DDX10: variants seen among roughly 807,000 people sequenced by gnomAD.
DDX10 encodes DEAD-box helicase 10, also known as probable ATP-dependent RNA helicase DDX10.
A neutral mutation model predicts 104.3 loss-of-function variants in DDX10; 74 were observed. That is an observed-to-expected ratio of 0.71 (90% CI 0.59 to 0.86). DDX10 has a LOEUF of 0.86. Among genes scored for constraint, DDX10 ranks in the 40% least tolerant of loss-of-function variants. The pLI, the probability that DDX10 is intolerant of heterozygous loss-of-function variation, is 0.00. For missense variants in DDX10, 952 were observed against 1,040.0 expected (o/e 0.92, Z 1.16); for synonymous variants, 351 against 353.4 (o/e 0.99, Z 0.08).
At chr11:108,714,574 A>G (rs192648170) in intron 10 of DDX10, among the ~76,000 whole-genome samples, 218 of 147,616 alleles carry the variant, frequency 1.5e-3, no homozygotes, top group African/African-American at 5.2e-3. Context: ...TCTGAAGACT[A>G]TTAGTGGAGA....
intron 16 of DDX10, among the ~76,000 whole-genome samples, chr11:108,899,175 A>G (rs980093787): frequency 1.3e-5 from 2 of 151,640 alleles, no homozygotes; most frequent in Non-Finnish European, 2.9e-5. Context: ...GCACTGGTCT[A>G]TATCAATCCC....
intron 16 of DDX10, among the ~76,000 whole-genome samples, chr11:108,909,227 A>C (rs550103704): frequency 8.5e-4 from 130 of 152,364 alleles, no homozygotes; most frequent in African/African-American, 2.8e-3. Flanking sequence ...AGATTGAATT[A>C]TAAAAGCCCT....
chr11:108,893,781 G>A (rs1401090082), intron 16 of DDX10, among the ~76,000 whole-genome samples: 1 of 152,002 alleles, frequency 6.6e-6, no homozygotes, highest in African/African-American at 2.4e-5. Context: ...AGCATTGATT[G>A]CTAAACAGAA....
chr11:108,926,054 GT>G (rs1394381420), intron 17 of DDX10, among the ~76,000 whole-genome samples: 5 of 152,178 alleles, frequency 3.3e-5, no homozygotes, highest in African/African-American at 1.2e-4. Flanking sequence ...TGGATGGGAT[GT>G]GTTTCTGAGG....
chr11:108,836,904 G>A (rs1379506217), intron 13 of DDX10, among the ~76,000 whole-genome samples: 1 of 152,064 alleles, frequency 6.6e-6, no homozygotes, highest in African/African-American at 2.4e-5. Context: ...TGACCAATGC[G>A]CTGCTTCCCA....
chr11:108,917,477 C>T (rs1863766177), intron 16 of DDX10, among the ~76,000 whole-genome samples: 1 of 152,070 alleles, frequency 6.6e-6, no homozygotes, highest in African/African-American at 2.4e-5. Context: ...TCATTGTGTA[C>T]TGCTGCCTCA....
intron 16 of DDX10, among the ~76,000 whole-genome samples, chr11:108,917,266 T>C (rs898352316): frequency 6.6e-6 from 1 of 151,988 alleles, no homozygotes; most frequent in Non-Finnish European, 1.5e-5. Context: ...TACACTTTTG[T>C]GGTCATAAAA....
At chr11:108,687,254 T>A (rs531807619) in intron 6 of DDX10, among the ~76,000 whole-genome samples, 6 of 152,218 alleles carry the variant, frequency 3.9e-5, no homozygotes, top group Non-Finnish European at 7.4e-5. Flanking sequence ...AAGTGACATA[T>A]CGTTATTTTA....
chr11:108,679,588 A>G (rs2134441494), intron 6 of DDX10, 28 bp downstream of exon 6: 1 of 1,493,610 alleles, frequency 6.7e-7, no homozygotes, highest in East Asian at 2.3e-5. Context: ...CAATCAAGAT[A>G]AATGTTTTTT....
intron 4 of DDX10, 28 bp from the exon 5 acceptor site, chr11:108,678,287 T>C: frequency 6.2e-7 from 1 of 1,603,146 alleles, no homozygotes; most frequent in Non-Finnish European, 8.5e-7. Context: ...GATGTGTCTG[T>C]GTAATCAAAA....
At position 108,924,252 on chromosome 11, in the gene DDX10, T is replaced by A. The variant is rs566880874; in HGVS notation, c.2450+6234T>A. 2.6e-5 allele frequency among the ~76,000 whole-genome samples: 4 copies of A among 152,312 alleles called. No individual in the cohort carries two copies. In the East Asian group the frequency reaches 5.8e-4, roughly 22 times the overall value. On this transcript the variant is annotated intron_variant, in intron 17 of 17. Coordinates refer to ENST00000322536, the MANE Select transcript of DDX10 (RefSeq NM_004398.4). ...TTCAACTCTTACTACCTTACATCAATCTTTGCTTTGTAGACTACATTCTCT... is the reference window on the plus strand; with the variant it reads ...TTCAACTCTTACTACCTTACATCAAACTTTGCTTTGTAGACTACATTCTCT...
chr11:108,744,431 C>A (rs948018613), intron 13 of DDX10, among the ~76,000 whole-genome samples: 5 of 152,176 alleles, frequency 3.3e-5, no homozygotes, highest in African/African-American at 1.2e-4. Flanking sequence ...CAACAATCCA[C>A]AGCCACTTCA....
chr11:108,775,452 G>A (rs1296016323), intron 13 of DDX10, among the ~76,000 whole-genome samples: 2 of 152,166 alleles, frequency 1.3e-5, no homozygotes, highest in East Asian at 3.8e-4. Context: ...AGAGTGGAAA[G>A]GAAGAATTTA....
intron 13 of DDX10, among the ~76,000 whole-genome samples, chr11:108,837,304 C>T (rs768842238): frequency 1.2e-4 from 19 of 152,134 alleles, no homozygotes; most frequent in Non-Finnish European, 2.6e-4. Context: ...CCAAAGACTT[C>T]TTATTCTGTC....
intron 17 of DDX10, chr11:108,919,573 T>G (rs1591125758): frequency 6.6e-6 from 1 of 152,358 alleles, no homozygotes; most frequent in East Asian, 1.9e-4. Context: ...TACATGACTT[T>G]CAGTCATTGT....
chr11:108,730,492 A>G (rs1186456599), intron 13 of DDX10, among the ~76,000 whole-genome samples: 1 of 152,196 alleles, frequency 6.6e-6, no homozygotes, highest in East Asian at 1.9e-4. Context: ...AAATTTCACA[A>G]ATATTTTGTG....
intron 16 of DDX10, among the ~76,000 whole-genome samples, chr11:108,883,506 C>T (rs1278994541): frequency 1.3e-5 from 2 of 152,070 alleles, no homozygotes; most frequent in Non-Finnish European, 2.9e-5. Context: ...ATTTCTCCGT[C>T]TTTACCAGAT....
intron 16 of DDX10, among the ~76,000 whole-genome samples, chr11:108,865,750 C>G (rs575173231): frequency 6.6e-6 from 1 of 151,980 alleles, no homozygotes; most frequent in Non-Finnish European, 1.5e-5. Flanking sequence ...TTTGTTTACT[C>G]TACGCATATT....
At chr11:108,874,154 A>G (rs1863118982) in intron 16 of DDX10, among the ~76,000 whole-genome samples, 1 of 152,194 alleles carries the variant, frequency 6.6e-6, no homozygotes, top group Admixed American at 6.5e-5. Context: ...TCAGTGGTTC[A>G]CCAAAGATGA....
Sources: gnomAD v4.1 joint callset for allele counts (sites outside exome capture counted in the v4.1 genomes callset) on GRCh38, gnomAD v4.1.1 for gene constraint, MANE v1.5 for transcripts, NCBI Gene and HGNC (gene_info 2026-07-23, HGNC 2026-07-21) for gene names.